Variants in LTBP1 observed in about 807,000 individuals in gnomAD.
The protein encoded by LTBP1 is latent-transforming growth factor beta-binding protein 1.
Under a neutral mutation model 207.6 loss-of-function variants are expected in LTBP1, and 129 were observed. The observed-to-expected ratio is 0.62, with a 90% confidence interval of 0.54 to 0.72. The LOEUF is 0.72. Ranked by LOEUF, LTBP1 falls within the 30% of genes least tolerant of loss-of-function variation. LTBP1 has a pLI of 0.00. For synonymous variants in LTBP1, 963 were observed against 833.7 expected (o/e 1.16, Z -2.67); for missense variants, 2,281 against 2,217.2 (o/e 1.03, Z -0.58).
Position 33,125,161 on chromosome 2 carries a change from C to T in LTBP1, c.1034-9632C>T, listed in dbSNP as rs923113824. On this transcript the variant is annotated intron_variant, in intron 4 of 33. Transcript: ENST00000404816. The stretch of plus-strand genomic sequence containing the variant: ...GTGTCATATATTTTTCATAGTAATG[C>T]TCATTACAAGTGTAGGAGAGGCATT... Among the ~76,000 whole-genome samples the T allele has an allele frequency of 4.0e-4, 61 of 152,210 alleles. 1 individual carries two copies. The highest frequency in any genetic ancestry group is 4.0e-3 in the Admixed American group (61 of 15,280).
intron 3 of LTBP1, among the ~76,000 whole-genome samples, chr2:33,069,222 C>T (rs1477616522): frequency 2.0e-5 from 3 of 152,184 alleles, no homozygotes; most frequent in African/African-American, 7.2e-5. Flanking sequence ...CAAAGCCAGA[C>T]TTCCGAGAGC....
intron 3 of LTBP1, among the ~76,000 whole-genome samples, chr2:33,036,806 C>T (rs7593937): frequency 0.1 from 15,374 of 152,108 alleles, 972 homozygotes; most frequent in Non-Finnish European, 0.14. Flanking sequence ...GTTTAAAAAG[C>T]TTTTTTAGCA....
chr2:33,237,110 T>G (rs2092088401), intron 9 of LTBP1, among the ~76,000 whole-genome samples: 1 of 152,182 alleles, frequency 6.6e-6, no homozygotes, highest in African/African-American at 2.4e-5. Context: ...TACAATAGTC[T>G]TTGAAGCTGG....
At chr2:33,015,901 C>T (rs1181339766) in intron 2 of LTBP1, among the ~76,000 whole-genome samples, 1 of 152,108 alleles carries the variant, frequency 6.6e-6, no homozygotes, top group African/African-American at 2.4e-5. Context: ...CTCAGAATCA[C>T]CCACTCACTC....
intron 26 of LTBP1, among the ~76,000 whole-genome samples, chr2:33,352,611 T>C (rs1480761764): frequency 2.6e-5 from 4 of 152,180 alleles, no homozygotes; most frequent in Admixed American, 6.5e-5. Flanking sequence ...TCAGCATCAC[T>C]TACCTGGATC....
chr2:33,244,451 T>C (rs921186644), intron 10 of LTBP1, among the ~76,000 whole-genome samples: 1 of 152,228 alleles, frequency 6.6e-6, no homozygotes, highest in African/African-American at 2.4e-5. Flanking sequence ...TGTTCTAATA[T>C]TGGTTCTGAA....
At chr2:33,301,153 G>T (rs1034573153) in intron 21 of LTBP1, among the ~76,000 whole-genome samples, 2 of 152,186 alleles carry the variant, frequency 1.3e-5, no homozygotes, top group African/African-American at 4.8e-5. Context: ...TCATTGAATT[G>T]CACACAGAAA....
At chr2:33,181,832 A>G (rs1399621996) in intron 5 of LTBP1, among the ~76,000 whole-genome samples, 1 of 152,204 alleles carries the variant, frequency 6.6e-6, no homozygotes, top group Non-Finnish European at 1.5e-5. Context: ...GAACTTGGGA[A>G]GCACAGATGA....
intron 2 of LTBP1, among the ~76,000 whole-genome samples, chr2:32,985,967 A>G (rs1463561451): frequency 6.6e-6 from 1 of 152,104 alleles, no homozygotes; most frequent in Non-Finnish European, 1.5e-5. Context: ...TGAAGGAAGG[A>G]CATCGCTTAT....
chr2:33,145,917 C>G (rs2082995263), intron 5 of LTBP1, among the ~76,000 whole-genome samples: 1 of 152,212 alleles, frequency 6.6e-6, no homozygotes, highest in African/African-American at 2.4e-5. Context: ...TAAAAGCCTA[C>G]TGACTCTGCT....
chr2:33,370,882 G>A (rs1301215412), intron 31 of LTBP1, among the ~76,000 whole-genome samples: 1 of 152,186 alleles, frequency 6.6e-6, no homozygotes, highest in Admixed American at 6.5e-5. Context: ...AAGCATTAAA[G>A]TGCAGTGTAA....
chr2:33,170,824 A>G (rs944149935), intron 5 of LTBP1, among the ~76,000 whole-genome samples: 1 of 152,020 alleles, frequency 6.6e-6, no homozygotes, highest in African/African-American at 2.4e-5. Flanking sequence ...TTCCAGAGGA[A>G]CGATCAGACA....
chr2:33,175,861 T>G (rs894565305), intron 5 of LTBP1, among the ~76,000 whole-genome samples: 14 of 146,326 alleles, frequency 9.6e-5, no homozygotes, highest in African/African-American at 2.5e-4. Flanking sequence ...TGTAGGGACA[T>G]GGATGAAATT....
At chr2:33,165,368 T>C (rs1036233223) in intron 5 of LTBP1, among the ~76,000 whole-genome samples, 3 of 152,236 alleles carry the variant, frequency 2.0e-5, no homozygotes, top group South Asian at 2.1e-4. Context: ...TTAGCTACAA[T>C]TGGCATCTGG....
chr2:33,154,199 G>A lies in LTBP1; in HGVS notation c.1201+19239G>A. Among the ~76,000 whole-genome samples the A allele has an allele frequency of 1.3e-5, 2 of 152,064 alleles. 1 individual carries two copies. The highest frequency in any genetic ancestry group is 3.9e-4 in the East Asian group (2 of 5,180). On this transcript the variant is annotated intron_variant, in intron 5 of 33. Transcript: ENST00000404816. ...TACCAAAATTACATTAGCTAGGCCT[G>A]TAGGTAGATTTTTTTTAAGTTGATC...
chr2:33,163,577 G>A (rs1184398903), intron 5 of LTBP1, among the ~76,000 whole-genome samples: 1 of 152,162 alleles, frequency 6.6e-6, no homozygotes, highest in East Asian at 1.9e-4. Flanking sequence ...TGATAGCAGA[G>A]TAGAGTGACT....
intron 7 of LTBP1, among the ~76,000 whole-genome samples, chr2:33,215,306 C>T (rs961614743): frequency 2.0e-5 from 3 of 152,080 alleles, no homozygotes; most frequent in Non-Finnish European, 4.4e-5. Flanking sequence ...TAAGATAATG[C>T]GTGTAAGAAG....
At chr2:33,382,538 T>A (rs1480576676) in intron 31 of LTBP1, among the ~76,000 whole-genome samples, 1 of 152,202 alleles carries the variant, frequency 6.6e-6, no homozygotes, top group Non-Finnish European at 1.5e-5. Flanking sequence ...AGGATGACTT[T>A]AGTCATCGTC....
At position 33,110,746 on chromosome 2, in the gene LTBP1, T is replaced by C. The variant is rs1386746586; in HGVS notation, c.1028T>C (p.Phe343Ser). 1 of 1,613,946 alleles carries C rather than the reference T, an allele frequency of 6.2e-7. No individual in the cohort carries two copies. Residue 343 changes from phenylalanine to serine, a missense_variant, in exon 4 of 34, where the codon TTT becomes TCT. This residue lies in a region of LTBP1 where 555 missense variants were observed against 491.0 expected (regional missense o/e 1.13). Transcript: ENST00000404816. ...GTGCAGGATCAAGTTGCGGCACCTT[T>C]TCAGCGTGAGTATAGTCTTATCAAC... ...RYVQDQVAAP[F>S]QLSNHTGRIK... is the part of the protein sequence containing the mutation.
Sources: allele counts gnomAD v4.1 joint callset (sites outside exome capture counted in the v4.1 genomes callset), GRCh38; gene constraint gnomAD v4.1.1; regional missense constraint gnomAD v4.1.1; transcripts MANE v1.5; gene names NCBI Gene and HGNC (gene_info 2026-07-23, HGNC 2026-07-21).